Variants in GRID2 observed in about 807,000 individuals in gnomAD.
GRID2 encodes the protein glutamate ionotropic receptor delta type subunit 2.
Under a neutral mutation model 114.8 loss-of-function variants are expected in GRID2, and 33 were observed. The observed-to-expected ratio is 0.29, with a 90% confidence interval of 0.22 to 0.38. The LOEUF (loss-of-function observed/expected upper bound fraction) is 0.38, where lower values mean the gene tolerates loss of function less well. Ranked by LOEUF, GRID2 falls within the 10% of genes least tolerant of loss-of-function variation. The pLI, the probability that GRID2 is intolerant of heterozygous loss-of-function variation, is 1.00. For missense variants in GRID2, 1,184 were observed against 1,257.7 expected, an observed-to-expected ratio of 0.94 and a Z score of 0.89; for synonymous variants, 505 against 449.9, an observed-to-expected ratio of 1.12 and a Z score of -1.55.
chr4:92,821,737 A>G (rs1741298764), intron 2 of GRID2, among the ~76,000 whole-genome samples: 2 of 152,140 alleles, frequency 1.3e-5, no homozygotes. Context: ...TCTCTCAATC[A>G]TAATAAAACA....
At chr4:92,927,936 G>T (rs1749945060) in intron 2 of GRID2, among the ~76,000 whole-genome samples, 1 of 151,612 alleles carries the variant, frequency 6.6e-6, no homozygotes, top group Non-Finnish European at 1.5e-5. Flanking sequence ...AATCCAAAAT[G>T]CTTCAGTGCT....
At chr4:93,530,189 G>A (rs1014924082) in intron 13 of GRID2, among the ~76,000 whole-genome samples, 2 of 151,902 alleles carry the variant, frequency 1.3e-5, no homozygotes, top group Non-Finnish European at 2.9e-5. Flanking sequence ...TAACTAATTG[G>A]CCCCCTCCTG....
chr4:93,088,182 A>C (rs1730487493), intron 3 of GRID2, among the ~76,000 whole-genome samples: 2 of 152,184 alleles, frequency 1.3e-5, no homozygotes, highest in African/African-American at 4.8e-5. Context: ...TCTACTTTAA[A>C]TTCCTTAACA....
intron 2 of GRID2, among the ~76,000 whole-genome samples, chr4:92,643,176 T>C (rs1224664452): frequency 2.0e-5 from 3 of 151,820 alleles, no homozygotes; most frequent in African/African-American, 7.2e-5. Flanking sequence ...ATTGAATATG[T>C]ACATTGCTTT....
chr4:92,962,386 A>G (rs1198809190), intron 2 of GRID2, among the ~76,000 whole-genome samples: 2 of 151,776 alleles, frequency 1.3e-5, no homozygotes, highest in Admixed American at 1.3e-4. Context: ...CTGGACTGCA[A>G]CCTTCACAAG....
At chr4:92,358,337 T>C (rs945312552) in intron 1 of GRID2, among the ~76,000 whole-genome samples, 6 of 151,918 alleles carry the variant, frequency 3.9e-5, no homozygotes, top group Non-Finnish European at 8.8e-5. Context: ...GAGAGTTAGT[T>C]GGTAGAAGAA....
Position 93,696,340 on chromosome 4 carries a change from G to A in GRID2, c.2360+69905G>A, listed in dbSNP as rs567219858. 9.9e-5 allele frequency among the ~76,000 whole-genome samples: 15 copies of A among 152,218 alleles called. No homozygotes were observed. In the East Asian group the frequency reaches 1.2e-3, roughly 12 times the overall value. On this transcript the variant is annotated intron_variant, in intron 14 of 15. Transcript: ENST00000282020. ...TTTGCATTCAGTTTCTTCCACTGCCGATAATCAACTGCTCAATTTAACACT... is the reference window on the plus strand; with the variant it reads ...TTTGCATTCAGTTTCTTCCACTGCCAATAATCAACTGCTCAATTTAACACT...
intron 2 of GRID2, among the ~76,000 whole-genome samples, chr4:92,940,610 T>C (rs1381195963): frequency 6.6e-6 from 1 of 152,130 alleles, no homozygotes; most frequent in Admixed American, 6.6e-5. Context: ...CTATTTTGAA[T>C]AGGAGTGGTG....
intron 2 of GRID2, among the ~76,000 whole-genome samples, chr4:92,917,981 G>A (rs1469072947): frequency 6.6e-6 from 1 of 152,166 alleles, no homozygotes; most frequent in Non-Finnish European, 1.5e-5. Flanking sequence ...TCCTACCCAT[G>A]AGCATGGAAT....
At chr4:93,383,474 G>A (rs758676261) in intron 8 of GRID2, among the ~76,000 whole-genome samples, 3 of 152,142 alleles carry the variant, frequency 2.0e-5, no homozygotes, top group Non-Finnish European at 2.9e-5. Flanking sequence ...CTTTCCACTG[G>A]AAGTTTCAAG....
chr4:93,335,502 C>T (rs1371957459), intron 8 of GRID2, among the ~76,000 whole-genome samples: 2 of 152,102 alleles, frequency 1.3e-5, no homozygotes, highest in Admixed American at 6.6e-5. Context: ...GTCTTAAGCA[C>T]ACTTATTTGG....
At chr4:92,324,070 A>T (rs544925198) in intron 1 of GRID2, among the ~76,000 whole-genome samples, 44 of 152,162 alleles carry the variant, frequency 2.9e-4, no homozygotes, top group African/African-American at 1.0e-3. Flanking sequence ...GTATTAGAGT[A>T]CAATAATTAA....
chr4:93,039,519 A>G (rs186527261), intron 2 of GRID2, among the ~76,000 whole-genome samples: 7 of 152,174 alleles, frequency 4.6e-5, no homozygotes, highest in Admixed American at 6.5e-5. Context: ...TATATATTAC[A>G]TATCTGTCCT....
At chr4:93,114,718 A>T (rs1490538249) in intron 4 of GRID2, among the ~76,000 whole-genome samples, 1 of 152,036 alleles carries the variant, frequency 6.6e-6, no homozygotes, top group African/African-American at 2.4e-5. Context: ...GTTTCTTTTG[A>T]GTAGGGAATA....
At chr4:92,843,370 A>T (rs969719007) in intron 2 of GRID2, among the ~76,000 whole-genome samples, 1 of 152,162 alleles carries the variant, frequency 6.6e-6, no homozygotes. Flanking sequence ...TTTGAATTCA[A>T]GAACTCCTTT....
At chr4:93,709,161 G>C (rs951141360) in intron 14 of GRID2, among the ~76,000 whole-genome samples, 1 of 152,058 alleles carries the variant, frequency 6.6e-6, no homozygotes, top group African/African-American at 2.4e-5. Flanking sequence ...TTCTGTGTTT[G>C]TGTACTTGCT....
chr4:93,238,058 T>G (rs958767173), intron 7 of GRID2, among the ~76,000 whole-genome samples: 2 of 151,764 alleles, frequency 1.3e-5, no homozygotes, highest in African/African-American at 4.8e-5. Flanking sequence ...CAAGGTATGG[T>G]GGCAAAAACT....
intron 13 of GRID2, among the ~76,000 whole-genome samples, chr4:93,563,534 T>G (rs1220665841): frequency 6.6e-6 from 1 of 152,010 alleles, no homozygotes; most frequent in Non-Finnish European, 1.5e-5. Flanking sequence ...AAAGCCCCAC[T>G]GTTGAAGATA....
chr4:92,545,284 T>C (rs1273476601), intron 1 of GRID2, among the ~76,000 whole-genome samples: 2 of 152,124 alleles, frequency 1.3e-5, no homozygotes, highest in Middle Eastern at 3.2e-3. Flanking sequence ...CACTGCACAA[T>C]AGAGAAAAAC....
Sources: allele counts gnomAD v4.1 joint callset (sites outside exome capture counted in the v4.1 genomes callset), GRCh38; gene constraint gnomAD v4.1.1; transcripts MANE v1.5; gene names NCBI Gene and HGNC (gene_info 2026-07-23, HGNC 2026-07-21).